The following GULP1 variants were observed in gnomAD, a reference collection of about 807,000 sequenced individuals.
The protein encoded by GULP1 is GULP PTB domain containing engulfment adaptor 1, also known as PTB domain-containing engulfment adapter protein 1.
Under a neutral mutation model 40.9 loss-of-function variants are expected in GULP1, and 19 were observed. The ratio of observed to expected loss-of-function variants is 0.46; its 90% CI spans 0.32 to 0.68. The LOEUF (loss-of-function observed/expected upper bound fraction) is 0.68. Ranked by LOEUF, GULP1 falls within the 30% of genes least tolerant of loss-of-function variation. The pLI is 0.03. For missense variants in GULP1, 312 were observed against 362.2 expected (o/e 0.86, Z 1.12); for synonymous variants, 119 against 117.6 (o/e 1.01, Z -0.08).
chr2:188,473,554 G>A (rs2153019204), intron 2 of GULP1, among the ~76,000 whole-genome samples: 1 of 152,254 alleles, frequency 6.6e-6, no homozygotes, highest in Non-Finnish European at 1.5e-5. Flanking sequence ...CATGGCAACT[G>A]TCACTACAGG....
chr2:188,529,547 AT>A (rs1364590066), intron 6 of GULP1, among the ~76,000 whole-genome samples: 1 of 152,170 alleles, frequency 6.6e-6, no homozygotes, highest in Non-Finnish European at 1.5e-5. Flanking sequence ...AATATTCTGC[AT>A]TGACTTTTAT....
At position 188,538,406 on chromosome 2, in the gene GULP1, A is replaced by G. The variant is rs374171744; in HGVS notation, c.262-2775A>G. Among the ~76,000 whole-genome samples the G allele has an allele frequency of 2.2e-4, 33 of 152,192 alleles. 1 individual carries two copies. The highest frequency in any genetic ancestry group is 7.2e-4 in the African/African-American group (30 of 41,566). On this transcript the variant is annotated intron_variant, in intron 6 of 11. Coordinates refer to ENST00000409830, the MANE Select transcript of GULP1 (RefSeq NM_016315.4). Reference sequence around the variant, plus strand: ...CTCTTAATGAAAAAGAAGCATCTCTATTTTAATCCCTACCAAACCTGGGGA... The same window carrying G: ...CTCTTAATGAAAAAGAAGCATCTCTGTTTTAATCCCTACCAAACCTGGGGA...
At chr2:188,469,101 A>T (rs1376338831) in intron 2 of GULP1, among the ~76,000 whole-genome samples, 1 of 152,184 alleles carries the variant, frequency 6.6e-6, no homozygotes. Flanking sequence ...ATTAGAGTTT[A>T]GGGGCCTACG....
intron 1 of GULP1, among the ~76,000 whole-genome samples, chr2:188,365,319 A>G (rs2046644477): frequency 6.6e-6 from 1 of 152,062 alleles, no homozygotes; most frequent in South Asian, 2.1e-4. Flanking sequence ...AAGGGATGCA[A>G]TTTTATTTAT....
At chr2:188,393,727 A>T (rs1439090210) in intron 2 of GULP1, among the ~76,000 whole-genome samples, 1 of 152,130 alleles carries the variant, frequency 6.6e-6, no homozygotes, top group African/African-American at 2.4e-5. Context: ...CTCTTTTAAG[A>T]TTTAGAAACC....
chr2:188,409,612 G>T (rs1204941350), intron 2 of GULP1, among the ~76,000 whole-genome samples: 2 of 151,880 alleles, frequency 1.3e-5, no homozygotes, highest in Non-Finnish European at 2.9e-5. Context: ...ATTTTATGAG[G>T]CCAGCATTAC....
chr2:188,500,418 T>C (rs2063326523), intron 4 of GULP1, among the ~76,000 whole-genome samples: 2 of 151,944 alleles, frequency 1.3e-5, no homozygotes. Context: ...GTGGCTTTAG[T>C]TTCAATTTTC....
chr2:188,548,411 T>C (rs903055568), intron 7 of GULP1, among the ~76,000 whole-genome samples: 4 of 152,120 alleles, frequency 2.6e-5, no homozygotes, highest in Non-Finnish European at 4.4e-5. Flanking sequence ...GTGAAATTTG[T>C]ATGCTGAAAA....
intron 7 of GULP1, among the ~76,000 whole-genome samples, chr2:188,553,871 C>G (rs559550023): frequency 6.6e-6 from 1 of 152,004 alleles, no homozygotes; most frequent in African/African-American, 2.4e-5. Flanking sequence ...TCCTGATTCA[C>G]TTTTGTTAGG....
At chr2:188,475,037 A>G (rs1386757422) in intron 2 of GULP1, among the ~76,000 whole-genome samples, 1 of 152,212 alleles carries the variant, frequency 6.6e-6, no homozygotes, top group Non-Finnish European at 1.5e-5. Context: ...CATTATTAAT[A>G]CATAAAATAA....
At chr2:188,508,215 A>T (rs2064132161) in intron 4 of GULP1, among the ~76,000 whole-genome samples, 1 of 152,014 alleles carries the variant, frequency 6.6e-6, no homozygotes, top group South Asian at 2.1e-4. Flanking sequence ...CATTACAGTG[A>T]AGCATTACAT....
At chr2:188,437,257 G>T (rs2057493181) in intron 2 of GULP1, among the ~76,000 whole-genome samples, 1 of 151,966 alleles carries the variant, frequency 6.6e-6, no homozygotes, top group African/African-American at 2.4e-5. Context: ...TTTTTTCATT[G>T]TGTTTGCAAA....
intron 1 of GULP1, among the ~76,000 whole-genome samples, chr2:188,299,355 G>C (rs62179654): frequency 2.0e-5 from 3 of 152,166 alleles, no homozygotes; most frequent in African/African-American, 4.8e-5. Flanking sequence ...GGAAAACAAA[G>C]AACAGGGAAG....
chr2:188,584,145 G>A, intron 9 of GULP1, 120 bp from the exon 10 acceptor site: 2 of 644,452 alleles, frequency 3.1e-6, no homozygotes, highest in Non-Finnish European at 5.1e-6. Context: ...CTACAAAATG[G>A]CAAATTCTTA....
intron 4 of GULP1, among the ~76,000 whole-genome samples, chr2:188,516,683 G>A (rs1452046552): frequency 6.6e-6 from 1 of 152,048 alleles, no homozygotes; most frequent in Non-Finnish European, 1.5e-5. Flanking sequence ...TGATTGCTGG[G>A]CCTCACTCCC....
intron 2 of GULP1, among the ~76,000 whole-genome samples, chr2:188,409,614 C>T (rs2053602081): frequency 4.6e-5 from 7 of 151,862 alleles, no homozygotes; most frequent in Admixed American, 4.6e-4. Context: ...TTTATGAGGC[C>T]AGCATTACCT....
chr2:188,408,353 C>T (rs995309494), intron 2 of GULP1, among the ~76,000 whole-genome samples: 4 of 151,912 alleles, frequency 2.6e-5, no homozygotes, highest in Admixed American at 1.3e-4. Flanking sequence ...AGAAAATGGA[C>T]TAGGACAGGT....
At chr2:188,392,016 A>G (rs988938162) in intron 2 of GULP1, among the ~76,000 whole-genome samples, 1 of 151,818 alleles carries the variant, frequency 6.6e-6, no homozygotes, top group Non-Finnish European at 1.5e-5. Flanking sequence ...GTTAGCTAAT[A>G]TTCTATTGAG....
intron 1 of GULP1, among the ~76,000 whole-genome samples, chr2:188,331,141 T>C (rs1231662952): frequency 6.6e-6 from 1 of 152,246 alleles, no homozygotes; most frequent in Non-Finnish European, 1.5e-5. Context: ...TTTTTCTTTT[T>C]GTCTCTGAAG....
Sources: allele counts gnomAD v4.1 joint callset (sites outside exome capture counted in the v4.1 genomes callset), GRCh38; gene constraint gnomAD v4.1.1; transcripts MANE v1.5; gene names NCBI Gene and HGNC (gene_info 2026-07-23, HGNC 2026-07-21).